Variants in PTPRD observed in about 807,000 individuals in gnomAD.
PTPRD encodes the protein receptor-type tyrosine-protein phosphatase delta.
PTPRD carries 34 observed loss-of-function variants against 214.5 expected under a neutral mutation model. The observed-to-expected ratio is 0.16, with a 90% CI of 0.12 to 0.21. The LOEUF (loss-of-function observed/expected upper bound fraction) is 0.21. Among genes scored for constraint, PTPRD ranks in the 10% least tolerant of loss-of-function variants. PTPRD has a pLI of 1.00. For missense variants in PTPRD, 2,545 were observed against 2,398.7 expected, an observed-to-expected ratio of 1.06 and a Z score of -1.27; for synonymous variants, 1,128 against 845.7, an observed-to-expected ratio of 1.33 and a Z score of -5.79.
At chr9:9,329,909 G>A (rs911940489) in intron 9 of PTPRD, among the ~76,000 whole-genome samples, 1 of 152,102 alleles carries the variant, frequency 6.6e-6, no homozygotes, top group Admixed American at 6.6e-5. Context: ...GAAATTCCTA[G>A]GGCCCTACCT....
intron 7 of PTPRD, among the ~76,000 whole-genome samples, chr9:9,660,338 G>A (rs1259897231): frequency 3.9e-5 from 6 of 151,934 alleles, no homozygotes; most frequent in Admixed American, 1.3e-4. Flanking sequence ...GAGGTAAGGG[G>A]GCAAGCAAGA....
intron 10 of PTPRD, among the ~76,000 whole-genome samples, chr9:9,072,294 C>A (rs1387536053): frequency 6.6e-6 from 1 of 151,042 alleles, no homozygotes; most frequent in South Asian, 2.1e-4. Flanking sequence ...CACACACACA[C>A]ACACACACAC....
intron 3 of PTPRD, among the ~76,000 whole-genome samples, chr9:10,218,740 T>G (rs987188250): frequency 2.0e-5 from 3 of 151,882 alleles, no homozygotes; most frequent in Admixed American, 1.3e-4. Flanking sequence ...ACTGGATATT[T>G]ATAAATAGGG....
rs772231480 is a variant in PTPRD at position 8,331,675 on chromosome 9, G to C, written c.5441C>G (p.Pro1814Arg). Reference protein sequence around the residue: ...QFTDWPEQGVPKSGEGFIDFI... With the variant: ...QFTDWPEQGVRKSGEGFIDFI... ...GTCAATAAATCCTTCTCCGGACTTT[G>C]GCACTCCTTGCTCTGGCCAGTCAGT... The change falls in exon 44 of 46, where the codon CCA (proline) becomes CGA (arginine). Residue 1814 changes from proline to arginine, a missense_variant. Transcript: ENST00000381196. 6.2e-7 allele frequency: 1 copy of C among 1,613,792 alleles called. No individual in the cohort carries two copies. The highest frequency in any genetic ancestry group is 1.7e-5 in the Admixed American group (1 of 59,982).
intron 9 of PTPRD, among the ~76,000 whole-genome samples, chr9:9,287,637 A>C (rs1238511215): frequency 6.6e-6 from 1 of 151,990 alleles, no homozygotes; most frequent in African/African-American, 2.4e-5. Flanking sequence ...AATCATACTA[A>C]TGAAATGGTT....
At chr9:9,380,792 G>C (rs867716381) in intron 9 of PTPRD, among the ~76,000 whole-genome samples, 1 of 152,102 alleles carries the variant, frequency 6.6e-6, no homozygotes, top group African/African-American at 2.4e-5. Context: ...AAATCTCTAT[G>C]ATTGTGGATT....
rs1564253432 is a variant in PTPRD, at chr9:8,359,139, CA to C, written c.4661+16796del. On this transcript the variant is annotated intron_variant, in intron 39 of 45. Coordinates refer to ENST00000381196, the MANE Select transcript of PTPRD (RefSeq NM_002839.4). ...AAAAAAAAACAAAAAAAAAAAAAAA[CA>C]AAAAAAAATTGAATCAGATTTTAGA... 6.0e-4 allele frequency among the ~76,000 whole-genome samples: 8 copies of C among 13,260 alleles called. 2 individuals carry two copies. The highest frequency in any genetic ancestry group is 1.7e-3 in the Non-Finnish European group (7 of 4,082). The allele number at this position is 13,260 out of a possible 152,430, so 8.7% of individuals were successfully genotyped here. A position where few individuals can be genotyped will look rare whatever the true frequency, so the allele number is the denominator to read the frequency against.
At chr9:8,382,431 C>T (rs1024718634) in intron 37 of PTPRD, among the ~76,000 whole-genome samples, 4 of 152,162 alleles carry the variant, frequency 2.6e-5, no homozygotes, top group Non-Finnish European at 4.4e-5. Context: ...TCTCCTCCTC[C>T]CATTCCAGCT....
In PTPRD at chr9:9,902,207, A is replaced by G. The variant is rs886789763; in HGVS notation, c.-368+36300T>C. Among the ~76,000 whole-genome samples the G allele has an allele frequency of 2.7e-5, 4 of 149,890 alleles. 1 individual carries two copies. The highest frequency in any genetic ancestry group is 2.6e-4 in the Admixed American group (4 of 15,142). ...CTTGTGTGTACGTGCATCAGCGCCC[A>G]TGCATGAATGTCTGTGCTCTCTATT... On this transcript the variant is annotated intron_variant, in intron 5 of 45. Coordinates refer to ENST00000381196, the MANE Select transcript of PTPRD (RefSeq NM_002839.4).
chr9:8,829,557 A>C (rs1165447446), intron 11 of PTPRD, among the ~76,000 whole-genome samples: 1 of 152,208 alleles, frequency 6.6e-6, no homozygotes, highest in Non-Finnish European at 1.5e-5. Context: ...TTATCATAAC[A>C]CACATCACAC....
At chr9:8,884,031 A>G (rs368744964) in intron 11 of PTPRD, among the ~76,000 whole-genome samples, 48 of 152,360 alleles carry the variant, frequency 3.2e-4, no homozygotes, top group African/African-American at 1.2e-3. Context: ...TTTATTTTCC[A>G]TAATTCTTAT....
intron 7 of PTPRD, among the ~76,000 whole-genome samples, chr9:9,711,697 C>G (rs540926703): frequency 6.7e-4 from 102 of 152,270 alleles, no homozygotes; most frequent in African/African-American, 2.3e-3. Context: ...TGGCTAGTTA[C>G]TACTACATGT....
At chr9:8,945,012 C>A (rs1454326254) in intron 11 of PTPRD, among the ~76,000 whole-genome samples, 1 of 151,748 alleles carries the variant, frequency 6.6e-6, no homozygotes, top group East Asian at 1.9e-4. Context: ...TATCTTATGT[C>A]CCCCATAAAC....
At chr9:8,929,887 G>GTA (rs2098938166) in intron 11 of PTPRD, among the ~76,000 whole-genome samples, 1 of 102,180 alleles carries the variant, frequency 9.8e-6, no homozygotes, top group African/African-American at 3.4e-5. Context: ...ATATATGTGT[G>GTA]TGTATATATA....
At chr9:8,481,680 T>G (rs928493580) in intron 30 of PTPRD, among the ~76,000 whole-genome samples, 1 of 152,184 alleles carries the variant, frequency 6.6e-6, no homozygotes, top group African/African-American at 2.4e-5. Flanking sequence ...ATTTTAGTCT[T>G]TTGCTTCACA....
intron 11 of PTPRD, among the ~76,000 whole-genome samples, chr9:8,744,357 C>G (rs1245337856): frequency 3.9e-5 from 6 of 152,154 alleles, no homozygotes; most frequent in African/African-American, 1.2e-4. Context: ...CGCATGTATA[C>G]AGCAGCACAA....
chr9:10,560,926 G>C (rs1165458422), intron 2 of PTPRD, among the ~76,000 whole-genome samples: 1 of 152,204 alleles, frequency 6.6e-6, no homozygotes, highest in Non-Finnish European at 1.5e-5. Flanking sequence ...ACCTCAGAGA[G>C]TGCTTAACCT....
chr9:9,904,535 C>G (rs1031765304), intron 5 of PTPRD, among the ~76,000 whole-genome samples: 1 of 152,068 alleles, frequency 6.6e-6, no homozygotes, highest in African/African-American at 2.4e-5. Flanking sequence ...ATGCTCTCAA[C>G]TGTATCACTA....
intron 11 of PTPRD, among the ~76,000 whole-genome samples, chr9:8,892,515 A>ATATATATGTGTGTGTG (rs1566864369): frequency 3.4e-5 from 5 of 146,164 alleles, no homozygotes; most frequent in African/African-American, 1.1e-4. Flanking sequence ...AAAGTTGAAT[A>ATATATATGTGTGTGTG]TATATATATG....
Sources: allele counts gnomAD v4.1 joint callset (sites outside exome capture counted in the v4.1 genomes callset), GRCh38; gene constraint gnomAD v4.1.1; transcripts MANE v1.5; gene names NCBI Gene and HGNC (gene_info 2026-07-23, HGNC 2026-07-21).